Variants in FBXO3 observed in about 807,000 individuals in gnomAD.
The protein encoded by FBXO3 is F-box only protein 3.
A neutral mutation model predicts 64.8 loss-of-function variants in FBXO3; 17 were observed. The ratio of observed to expected loss-of-function variants is 0.26; its 90% CI spans 0.18 to 0.39. The LOEUF (loss-of-function observed/expected upper bound fraction) is 0.39, where lower values mean the gene tolerates loss of function less well. Among genes scored for constraint, FBXO3 ranks in the 10% least tolerant of loss-of-function variants. The probability of loss-of-function intolerance (pLI) is 1.00; values close to 1 mark genes in which losing one functional copy is unlikely to be tolerated. For missense variants in FBXO3, 420 were observed against 589.9 expected, an observed-to-expected ratio of 0.71 and a Z score of 2.98; for synonymous variants, 182 against 201.6, an observed-to-expected ratio of 0.90 and a Z score of 0.82.
rs746836239 is a variant in FBXO3, at chr11:33,774,509, C to A, written c.-12G>T. 6.6e-6 allele frequency: 10 copies of A among 1,511,910 alleles called. No homozygotes were observed. Among genetic ancestry groups the A allele is most frequent in the Non-Finnish European group, 8.0e-6 (9 of 1,131,496 alleles). The allele number at this position is 1,511,910 out of a possible 1,614,324, so 93.7% of individuals were successfully genotyped here. A position where few individuals can be genotyped will look rare whatever the true frequency, so the allele number is the denominator to read the frequency against. On this transcript the variant is annotated 5_prime_UTR_variant, in exon 1 of 11. Coordinates refer to ENST00000265651, the MANE Select transcript of FBXO3 (RefSeq NM_012175.4). ...TCCATGGCCGCCATCTTGCCTGGCC[C>A]GGTGCAGGTCTGGCCCCGCCCTGGC...
chr11:33,750,414 C>T, intron 8 of FBXO3, 125 bp downstream of exon 8: 1 of 1,066,268 alleles, frequency 9.4e-7, no homozygotes, highest in Non-Finnish European at 1.3e-6. Context: ...TATCCACCTT[C>T]CTCCAAACTT....
intron 4 of FBXO3, among the ~76,000 whole-genome samples, chr11:33,756,822 TG>T (rs896395707): frequency 3.3e-5 from 5 of 152,126 alleles, no homozygotes; most frequent in African/African-American, 1.2e-4. Context: ...CTCAGACTCC[TG>T]GGCTCAAGAG....
At chr11:33,759,799 A>T (rs915450941) in intron 3 of FBXO3, among the ~76,000 whole-genome samples, 1 of 152,230 alleles carries the variant, frequency 6.6e-6, no homozygotes, top group Non-Finnish European at 1.5e-5. Flanking sequence ...ACCACAACTG[A>T]TACATTCAAT....
At chr11:33,747,381 T>C in intron 9 of FBXO3, 61 bp from the exon 10 acceptor site, 17 of 1,327,914 alleles carry the variant, frequency 1.3e-5, no homozygotes, top group Non-Finnish European at 1.8e-5. Flanking sequence ...TTACAATAAA[T>C]AAGGTATGGT....
chr11:33,774,230 C>G, intron 1 of FBXO3, 164 bp downstream of exon 1: 1 of 613,354 alleles, frequency 1.6e-6, no homozygotes, highest in Non-Finnish European at 2.8e-6. Flanking sequence ...CCGCCCCCGT[C>G]TCGCCCCGGT....
chr11:33,758,034 T>G (rs1466021493), intron 4 of FBXO3, among the ~76,000 whole-genome samples: 1 of 152,140 alleles, frequency 6.6e-6, no homozygotes, highest in African/African-American at 2.4e-5. Flanking sequence ...AATTATAGAC[T>G]GTGTTTAATA....
chr11:33,756,360 T>C (rs753117406), intron 4 of FBXO3, among the ~76,000 whole-genome samples: 2 of 152,204 alleles, frequency 1.3e-5, no homozygotes, highest in Non-Finnish European at 1.5e-5. Flanking sequence ...ATACAACCTT[T>C]AGCTTACCCT....
chr11:33,748,847 C>T lies in FBXO3; in HGVS notation c.978G>A (p.Leu326=), dbSNP rs1414554581. 1 of 1,613,824 alleles carries T rather than the reference C, an allele frequency of 6.2e-7. No individual in the cohort carries two copies. ...TTGTTATTCTCCAATAGCGACTGTCCAACTGACAGGCCTTCTCAGGAAGTG... is the reference window on the plus strand; with the variant it reads ...TTGTTATTCTCCAATAGCGACTGTCTAACTGACAGGCCTTCTCAGGAAGTG... The part of the protein sequence containing the change: ...KDALPEKACQ[L]DSRYWRITNA... The change falls in exon 9 of 11, where the codon TTG becomes TTA. Residue 326 remains leucine (L), a synonymous_variant. Transcript: ENST00000265651.
In FBXO3 at chr11:33,751,531, T is replaced by G. The variant is rs750453615; in HGVS notation, c.801A>C (p.Gln267His). 1.2e-6 allele frequency: 2 copies of G among 1,601,216 alleles called. No individual in the cohort carries two copies. The highest frequency in any genetic ancestry group is 1.7e-6 in the Non-Finnish European group (2 of 1,173,632). Residue 267 changes from glutamine to histidine, a missense_variant, in exon 7 of 11, where the codon CAA (glutamine) becomes CAC (histidine). Gln to His is a conservative substitution (Grantham distance 24, BLOSUM62 0). This residue lies in a region of FBXO3 where 337 missense variants were observed against 518.4 expected (regional missense o/e 0.65). Coordinates refer to ENST00000265651, the MANE Select transcript of FBXO3 (RefSeq NM_012175.4). The stretch of plus-strand genomic sequence containing the variant: ...GACCCAAAATAAAATACCTGAAAAT[T>G]TGGTCTCTGATGATGGGGAAGCCAC... Reference protein sequence around the residue: ...VSGGFPIIRDQIFRYVHDPEC... With the variant: ...VSGGFPIIRDHIFRYVHDPEC...
chr11:33,752,718 A>AGTTATATAAATAAT (rs1854992898), intron 6 of FBXO3, among the ~76,000 whole-genome samples: 1 of 152,192 alleles, frequency 6.6e-6, no homozygotes, highest in South Asian at 2.1e-4. Flanking sequence ...GATATTAAGA[A>AGTTATATAAATAAT]GTTATATAAA....
At chr11:33,754,630 C>T (rs1855046528) in intron 5 of FBXO3, 130 bp from the exon 6 acceptor site, 1 of 654,610 alleles carries the variant, frequency 1.5e-6, no homozygotes, top group African/African-American at 1.9e-5. Flanking sequence ...AGATATATGG[C>T]TTGTTATCCT....
At chr11:33,764,897 C>T (rs1053613600) in intron 3 of FBXO3, among the ~76,000 whole-genome samples, 7 of 152,118 alleles carry the variant, frequency 4.6e-5, no homozygotes, top group Non-Finnish European at 8.8e-5. Context: ...TCGCTTGAAC[C>T]TGGGAGGCAG....
At chr11:33,772,287 T>C (rs997510533) in intron 1 of FBXO3, 4 of 152,238 alleles carry the variant, frequency 2.6e-5, no homozygotes, top group African/African-American at 9.6e-5. Context: ...TGGATACTTT[T>C]CTGTAGATAA....
chr11:33,750,967 G>C (rs967592301), intron 7 of FBXO3, among the ~76,000 whole-genome samples: 4 of 152,060 alleles, frequency 2.6e-5, no homozygotes, highest in Non-Finnish European at 5.9e-5. Flanking sequence ...GGAAACTTTT[G>C]GGACATCTGA....
At chr11:33,748,166 C>A (rs373937869) in intron 9 of FBXO3, among the ~76,000 whole-genome samples, 1 of 152,012 alleles carries the variant, frequency 6.6e-6, no homozygotes, top group Non-Finnish European at 1.5e-5. Context: ...TCTCTCTTAG[C>A]GCTAGATCCA....
At chr11:33,752,869 A>T (rs1007273735) in intron 6 of FBXO3, among the ~76,000 whole-genome samples, 3 of 151,730 alleles carry the variant, frequency 2.0e-5, no homozygotes, top group Non-Finnish European at 2.9e-5. Context: ...TGGTTTGCAT[A>T]AAAAAAATTG....
chr11:33,747,460 G>T, intron 9 of FBXO3, 140 bp from the exon 10 acceptor site: 1 of 655,540 alleles, frequency 1.5e-6, no homozygotes, highest in Non-Finnish European at 2.5e-6. Flanking sequence ...AAAAGAAAAT[G>T]TAACAAAATG....
chr11:33,747,876 T>TAAAAAAA (rs60328389), intron 9 of FBXO3, among the ~76,000 whole-genome samples: 1 of 106,704 alleles, frequency 9.4e-6, no homozygotes, highest in Non-Finnish European at 2.0e-5. Flanking sequence ...AAGTATCTAG[T>TAAAAAAA]AAAAAAAAAA....
chr11:33,772,186 G>C (rs1169197379), intron 1 of FBXO3: 1 of 152,176 alleles, frequency 6.6e-6, no homozygotes, highest in Non-Finnish European at 1.5e-5. Context: ...ATCCAGTTCA[G>C]CAAATAATAC....
Sources: gnomAD v4.1 joint callset for allele counts (sites outside exome capture counted in the v4.1 genomes callset) on GRCh38, gnomAD v4.1.1 for gene constraint, gnomAD v4.1.1 regional missense constraint, MANE v1.5 for transcripts, NCBI Gene and HGNC (gene_info 2026-07-23, HGNC 2026-07-21) for gene names.